EVL: variants seen among roughly 807,000 people sequenced by gnomAD.
EVL encodes ena/VASP-like protein.
A neutral mutation model predicts 59.6 loss-of-function variants in EVL; 21 were observed. The ratio of observed to expected loss-of-function variants is 0.35; its 90% CI spans 0.25 to 0.51. EVL has a LOEUF of 0.51. Ranked by LOEUF, EVL falls within the 20% of genes least tolerant of loss-of-function variation. The probability of loss-of-function intolerance (pLI) is 0.97; values close to 1 mark genes in which losing one functional copy is unlikely to be tolerated. For synonymous variants in EVL, 198 were observed against 203.5 expected (o/e 0.97, Z 0.23); for missense variants, 462 against 546.6 (o/e 0.85, Z 1.54).
chr14:99,973,531 C>T (rs573235206), intron 1 of EVL, among the ~76,000 whole-genome samples: 1 of 152,148 alleles, frequency 6.6e-6, no homozygotes, highest in Non-Finnish European at 1.5e-5. Flanking sequence ...GGTGCGATCT[C>T]GGCTCACTGC....
chr14:100,096,274 T>C (rs1885808166), intron 2 of EVL, among the ~76,000 whole-genome samples: 2 of 152,234 alleles, frequency 1.3e-5, no homozygotes, highest in South Asian at 4.1e-4. Context: ...CACACAGTCC[T>C]TGCAACCTTA....
intron 6 of EVL, 70 bp downstream of exon 6, chr14:100,128,818 G>A: frequency 1.5e-6 from 2 of 1,365,196 alleles, no homozygotes; most frequent in Non-Finnish European, 2.0e-6. Flanking sequence ...GAGCGCTTGT[G>A]TTCCTTCCCG....
chr14:100,077,581 TGAG>T (rs2062190589), intron 1 of EVL, among the ~76,000 whole-genome samples: 1 of 152,130 alleles, frequency 6.6e-6, no homozygotes, highest in African/African-American at 2.4e-5. Context: ...ACAGAGCCCA[TGAG>T]GAGACGTGAA....
intron 1 of EVL, among the ~76,000 whole-genome samples, chr14:100,004,763 T>C (rs957409075): frequency 3.3e-5 from 5 of 152,216 alleles, no homozygotes; most frequent in Admixed American, 6.5e-5. Flanking sequence ...TTCTATATAT[T>C]TCTCTTATTT....
At chr14:100,077,158 G>T (rs1424835177) in intron 1 of EVL, among the ~76,000 whole-genome samples, 1 of 152,166 alleles carries the variant, frequency 6.6e-6, no homozygotes, top group South Asian at 2.1e-4. Flanking sequence ...TGAAGGGTTG[G>T]GGGTGTGAGA....
chr14:99,976,961 A>T (rs934996328), intron 1 of EVL, among the ~76,000 whole-genome samples: 1 of 151,752 alleles, frequency 6.6e-6, no homozygotes, highest in African/African-American at 2.4e-5. Context: ...CAGCGTTTCT[A>T]GTTCTTTTTA....
intron 2 of EVL, among the ~76,000 whole-genome samples, chr14:100,095,496 T>C (rs1885745907): frequency 6.6e-6 from 1 of 152,230 alleles, no homozygotes; most frequent in South Asian, 2.1e-4. Context: ...TATTAGTTAC[T>C]AGTTATTATT....
intron 13 of EVL, among the ~76,000 whole-genome samples, chr14:100,143,268 G>A (rs1889304063): frequency 6.6e-6 from 1 of 152,094 alleles, no homozygotes; most frequent in African/African-American, 2.4e-5. Context: ...CCCTGCAGGA[G>A]CTGGGAGGGC....
At chr14:99,973,392 A>G (rs1185757570) in intron 1 of EVL, among the ~76,000 whole-genome samples, 1 of 152,202 alleles carries the variant, frequency 6.6e-6, no homozygotes, top group East Asian at 1.9e-4. Context: ...GAGGCTGAAC[A>G]TCTTTTTATT....
intron 8 of EVL, among the ~76,000 whole-genome samples, chr14:100,134,033 C>T (rs965612671): frequency 2.6e-5 from 4 of 152,220 alleles, no homozygotes; most frequent in Admixed American, 6.5e-5. Flanking sequence ...GGTCTTCTCC[C>T]GAGGCCCTCT....
chr14:100,015,614 A>G (rs527406517), intron 1 of EVL, among the ~76,000 whole-genome samples: 4 of 152,340 alleles, frequency 2.6e-5, no homozygotes, highest in South Asian at 4.1e-4. Flanking sequence ...AGGGACTGCC[A>G]GAGTCATTTA....
chr14:100,088,037 G>A (rs539023602), intron 2 of EVL, among the ~76,000 whole-genome samples: 1 of 152,224 alleles, frequency 6.6e-6, no homozygotes, highest in Non-Finnish European at 1.5e-5. Context: ...GTGGACCCCG[G>A]AGAACAGACC....
chr14:100,009,685 C>G (rs1003241759), intron 1 of EVL, among the ~76,000 whole-genome samples: 2 of 152,124 alleles, frequency 1.3e-5, no homozygotes, highest in Middle Eastern at 6.3e-3. Flanking sequence ...GAGATTTATT[C>G]TGTGCCAAAT....
At chr14:100,117,216 C>T (rs1004452739) in intron 3 of EVL, among the ~76,000 whole-genome samples, 1 of 152,220 alleles carries the variant, frequency 6.6e-6, no homozygotes, top group Admixed American at 6.5e-5. Flanking sequence ...TGAGGTCAGA[C>T]CGGGTGGCTC....
chr14:100,128,412 G>A (rs924791775), intron 5 of EVL, 107 bp from the exon 6 acceptor site: 6 of 1,136,296 alleles, frequency 5.3e-6, no homozygotes, highest in Non-Finnish European at 6.7e-6. Context: ...CATCCCTTTG[G>A]GGAGCAGCCT....
At chr14:100,085,943 C>T (rs929884415) in intron 2 of EVL, among the ~76,000 whole-genome samples, 15 of 152,150 alleles carry the variant, frequency 9.9e-5, no homozygotes, top group African/African-American at 3.4e-4. Context: ...CTGGCTAACA[C>T]GGCGAAACCC....
At chr14:99,996,257 C>T (rs940808726) in intron 1 of EVL, among the ~76,000 whole-genome samples, 2 of 151,776 alleles carry the variant, frequency 1.3e-5, no homozygotes, top group African/African-American at 4.8e-5. Context: ...TTCTTCTTGG[C>T]ATACTTGGGG....
intron 9 of EVL, among the ~76,000 whole-genome samples, chr14:100,136,199 C>T (rs1398469805): frequency 2.0e-5 from 3 of 152,260 alleles, no homozygotes; most frequent in Non-Finnish European, 4.4e-5. Context: ...GGGTGACCTG[C>T]GTGTCACCTT....
intron 1 of EVL, among the ~76,000 whole-genome samples, chr14:100,009,454 T>A (rs985507319): frequency 6.6e-6 from 1 of 152,270 alleles, no homozygotes; most frequent in Admixed American, 6.5e-5. Context: ...CTTCCTTTCT[T>A]GGTTTCTTGA....
Sources: allele counts gnomAD v4.1 joint callset (sites outside exome capture counted in the v4.1 genomes callset), GRCh38; gene constraint gnomAD v4.1.1; transcripts MANE v1.5; gene names NCBI Gene and HGNC (gene_info 2026-07-23, HGNC 2026-07-21).